SGCD: variants seen among roughly 807,000 people sequenced by gnomAD.
The protein encoded by SGCD is delta-sarcoglycan.
In SGCD, 18 loss-of-function variants were observed where a neutral mutation model predicts 36.6. That is an observed-to-expected ratio of 0.49 (90% CI 0.34 to 0.73). The LOEUF (loss-of-function observed/expected upper bound fraction) is 0.73, where lower values mean the gene tolerates loss of function less well. SGCD is among the 30% of genes least tolerant of loss of function. The pLI, the probability that SGCD is intolerant of heterozygous loss-of-function variation, is 0.01. For synonymous variants in SGCD, 133 were observed against 130.6 expected, an observed-to-expected ratio of 1.02 and a Z score of -0.12; for missense variants, 387 against 346.7, an observed-to-expected ratio of 1.12 and a Z score of -0.92.
intron 1 of SGCD, among the ~76,000 whole-genome samples, chr5:156,005,749 C>T (rs1274956119): frequency 6.6e-6 from 1 of 152,160 alleles, no homozygotes; most frequent in African/African-American, 2.4e-5. Context: ...CGTGCCCGGC[C>T]TTTTGTTTTG....
chr5:156,374,067 C>T (rs923998362), intron 3 of SGCD, among the ~76,000 whole-genome samples: 2 of 150,034 alleles, frequency 1.3e-5, no homozygotes, highest in African/African-American at 4.9e-5. Flanking sequence ...AGCAGTAACT[C>T]GGATAAAAAT....
chr5:156,759,111 C>A, intron 8 of SGCD, 106 bp from the exon 9 acceptor site: 1 of 831,802 alleles, frequency 1.2e-6, no homozygotes, highest in Non-Finnish European at 2.0e-6. Flanking sequence ...ATAGTAGGTG[C>A]TCATTAGATT....
chr5:155,785,976 A>G, the SGCD span, among the ~76,000 whole-genome samples: 1 of 152,148 alleles, frequency 6.6e-6, no homozygotes, highest in Non-Finnish European at 1.5e-5. Flanking sequence ...TAGGGATTTC[A>G]CTAATGTTAC....
At chr5:155,983,046 T>A (rs2127562595) in intron 1 of SGCD, among the ~76,000 whole-genome samples, 1 of 152,298 alleles carries the variant, frequency 6.6e-6, no homozygotes, top group East Asian at 1.9e-4. Context: ...GCTAAATAAT[T>A]AGTGAGATAA....
At position 156,454,882 on chromosome 5, in the gene SGCD, A is replaced by G. The variant is rs541947836; in HGVS notation, c.193-53719A>G. 5.3e-5 allele frequency among the ~76,000 whole-genome samples: 8 copies of G among 152,202 alleles called. No homozygotes were observed. The South Asian group carries it at 1.7e-3, about 32-fold the overall frequency. Reference sequence around the variant, plus strand: ...TGCTGAGGAACTGTGTGCTCTGGACATGTGGCTGGGTCAGAACTCCACTGG... The same window carrying G: ...TGCTGAGGAACTGTGTGCTCTGGACGTGTGGCTGGGTCAGAACTCCACTGG... On this transcript the variant is annotated intron_variant, in intron 3 of 8. Transcript: ENST00000337851.
chr5:156,178,434 G>A (rs1440124723), intron 3 of SGCD, among the ~76,000 whole-genome samples: 1 of 152,250 alleles, frequency 6.6e-6, no homozygotes, highest in African/African-American at 2.4e-5. Context: ...AGGACTATAC[G>A]AATATAAGAA....
chr5:155,998,256 T>C (rs1230347830), intron 1 of SGCD, among the ~76,000 whole-genome samples: 1 of 152,216 alleles, frequency 6.6e-6, no homozygotes, highest in Admixed American at 6.5e-5. Flanking sequence ...TTGGCAAATG[T>C]AGAATTCTAA....
At chr5:156,238,121 T>C (rs1765212530) in intron 3 of SGCD, among the ~76,000 whole-genome samples, 1 of 152,060 alleles carries the variant, frequency 6.6e-6, no homozygotes, top group African/African-American at 2.4e-5. Flanking sequence ...AATTTCTTCT[T>C]TTTTGTAGAT....
Position 155,939,644 on chromosome 5 carries a change from C to CAA in SGCD, c.-282+69234_-282+69235dup, listed in dbSNP as rs70981990. Reference sequence around the variant, plus strand: ...TGGGTGACAGAGAGAGACTCTCTCTCAAAAAAAAAAAAAAATAATAATAAT... The same window carrying CAA: ...TGGGTGACAGAGAGAGACTCTCTCTCAAAAAAAAAAAAAAAAATAATAATAAT... On this transcript the variant is annotated intron_variant, in intron 1 of 9. Transcript: ENST00000517913. Among the ~76,000 whole-genome samples the CAA allele has an allele frequency of 8.3e-3, 1,048 of 126,950 alleles. 9 individuals carry two copies. Among genetic ancestry groups the CAA allele is most frequent in the East Asian group, 0.021 (89 of 4,318 alleles). 83.3% of individuals were successfully genotyped at this position (126,950 alleles called of 152,430 possible). A position where few individuals can be genotyped will look rare whatever the true frequency, so the allele number is the denominator to read the frequency against.
chr5:156,451,048 C>T (rs1753986273), intron 3 of SGCD, among the ~76,000 whole-genome samples: 1 of 151,540 alleles, frequency 6.6e-6, no homozygotes, highest in African/African-American at 2.4e-5. Context: ...TCCATCTCTC[C>T]CCTCCCTTCC....
intron 1 of SGCD, among the ~76,000 whole-genome samples, chr5:156,039,668 T>A (rs1759587834): frequency 6.6e-6 from 1 of 152,198 alleles, no homozygotes; most frequent in African/African-American, 2.4e-5. Context: ...ACTTAAAGAA[T>A]TGTATGTTTT....
At chr5:156,292,565 G>A (rs1050677994) in intron 3 of SGCD, among the ~76,000 whole-genome samples, 2 of 152,080 alleles carry the variant, frequency 1.3e-5, no homozygotes, top group Non-Finnish European at 2.9e-5. Flanking sequence ...AAACCTTGGT[G>A]TATTAATATC....
At chr5:155,882,845 G>C (rs930321437) in intron 1 of SGCD, among the ~76,000 whole-genome samples, 3 of 152,182 alleles carry the variant, frequency 2.0e-5, no homozygotes, top group Admixed American at 6.5e-5. Flanking sequence ...AAGGGAGTCA[G>C]CCTGCCCTTT....
chr5:155,791,974 G>T, the SGCD span, among the ~76,000 whole-genome samples: 1 of 151,966 alleles, frequency 6.6e-6, no homozygotes, highest in Non-Finnish European at 1.5e-5. Flanking sequence ...ATAAGAATAA[G>T]GTCAGAAATA....
chr5:156,232,529 C>T (rs1026554091), intron 3 of SGCD, among the ~76,000 whole-genome samples: 3 of 152,196 alleles, frequency 2.0e-5, no homozygotes, highest in African/African-American at 7.2e-5. Context: ...TCTCATAACT[C>T]TGCTTCCCTG....
chr5:156,239,513 A>C (rs2127655405), intron 3 of SGCD, among the ~76,000 whole-genome samples: 1 of 152,314 alleles, frequency 6.6e-6, no homozygotes, highest in South Asian at 2.1e-4. Context: ...GTATGAAACC[A>C]AATAATCTGT....
At chr5:156,290,109 C>G (rs922872819) in intron 3 of SGCD, among the ~76,000 whole-genome samples, 1 of 152,088 alleles carries the variant, frequency 6.6e-6, no homozygotes, top group African/African-American at 2.4e-5. Flanking sequence ...ATAGCAAACA[C>G]TTAGTGCTAG....
In SGCD at chr5:156,647,527, A is replaced by G. The variant is rs538002169; in HGVS notation, c.566A>G (p.Lys189Arg). ...CCTAATGTCAGGGCAGACCCCTTCAAAGAACTAAGGTAAACTTCTGACTTT... is the reference window on the plus strand; with the variant it reads ...CCTAATGTCAGGGCAGACCCCTTCAGAGAACTAAGGTAAACTTCTGACTTT... ...ETPNVRADPF[K>R]ELRLESPTRS... Residue 189 changes from lysine to arginine, a missense_variant, in exon 7 of 9, where the codon AAA (lysine) becomes AGA (arginine). By Grantham distance (26) the Lys-to-Arg change is conservative. Coordinates refer to ENST00000337851, the MANE Select transcript of SGCD (RefSeq NM_000337.6). 1.1e-5 allele frequency: 18 copies of G among 1,576,068 alleles called. No homozygotes were observed. In the African/African-American group the frequency reaches 2.3e-4, roughly 20 times the overall value.
the SGCD span, among the ~76,000 whole-genome samples, chr5:155,769,272 T>C: frequency 6.8e-4 from 103 of 152,030 alleles, no homozygotes; most frequent in African/African-American, 2.2e-3. Flanking sequence ...GAGGCTATTG[T>C]GGAGAAGGTG....
Sources: gnomAD v4.1 joint callset for allele counts (sites outside exome capture counted in the v4.1 genomes callset) on GRCh38, gnomAD v4.1.1 for gene constraint, MANE v1.5 for transcripts, NCBI Gene and HGNC (gene_info 2026-07-23, HGNC 2026-07-21) for gene names.